KNTC1: variants seen among roughly 807,000 people sequenced by gnomAD.
KNTC1 encodes the protein kinetochore-associated protein 1.
In KNTC1, 253 loss-of-function variants were observed where a neutral mutation model predicts 314.4. That is an observed-to-expected ratio of 0.80 (90% CI 0.73 to 0.89). KNTC1 has a LOEUF of 0.89. Among genes scored for constraint, KNTC1 ranks in the 40% least tolerant of loss-of-function variants. The probability of loss-of-function intolerance (pLI) is 0.00; values close to 1 mark genes in which losing one functional copy is unlikely to be tolerated. For missense variants in KNTC1, 2,475 were observed against 2,572.9 expected (o/e 0.96, Z 0.82); for synonymous variants, 901 against 901.4 (o/e 1.00, Z 0.01).
chr12:122,529,842 G>T, intron 1 of KNTC1, 149 bp from the exon 2 acceptor site: 1 of 389,846 alleles, frequency 2.6e-6, no homozygotes. Flanking sequence ...CATAGCTCTA[G>T]TTCCATTTAT....
chr12:122,575,694 T>C lies in KNTC1; in HGVS notation c.2486+48T>C, dbSNP rs184529544. 2.7e-4 allele frequency: 405 copies of C among 1,495,918 alleles called. 2 individuals are homozygous for C. The African/African-American group carries it at 4.5e-3, about 17-fold the overall frequency. The allele number at this position is 1,495,918 out of a possible 1,614,324, so 92.7% of individuals were successfully genotyped here. The stretch of plus-strand genomic sequence containing the variant: ...AATGTTGTTATGCTCTGGAGAAACA[T>C]TGTGTTTTGAGTTGACGTTCATTTA... On this transcript the variant is annotated intron_variant, in intron 28 of 63. Transcript: ENST00000333479.
intron 24 of KNTC1, among the ~76,000 whole-genome samples, chr12:122,571,394 C>G (rs1246029571): frequency 6.6e-6 from 1 of 152,058 alleles, no homozygotes; most frequent in African/African-American, 2.4e-5. Context: ...AGGTCTCACT[C>G]TGTTGCCCCA....
intron 16 of KNTC1, 117 bp downstream of exon 16, chr12:122,551,813 GAT>G (rs1963217410): frequency 9.2e-6 from 7 of 760,254 alleles, no homozygotes; most frequent in Non-Finnish European, 1.3e-5. Context: ...CTGTAATTAA[GAT>G]ATGACTGAAG....
chr12:122,551,456 A>G lies in KNTC1; in HGVS notation c.1131-2A>G, dbSNP rs1963192807. 5 of 1,578,944 alleles carry G rather than the reference A, an allele frequency of 3.2e-6. No homozygotes were observed. The highest frequency in any genetic ancestry group is 4.3e-6 in the Non-Finnish European group (5 of 1,160,350). ...CGCATTTATAGTTAAAATTTTTTCT[A>G]GATTGTCTGAAGACTCAGTCTCTGT... On this transcript the variant is annotated splice_acceptor_variant, in intron 14 of 63. Coordinates refer to ENST00000333479, the MANE Select transcript of KNTC1 (RefSeq NM_014708.6). LOFTEE classifies it high-confidence loss of function.
chr12:122,605,256 A>G (rs1272317724), intron 50 of KNTC1, 50 bp from the exon 51 acceptor site: 2 of 1,245,040 alleles, frequency 1.6e-6, no homozygotes, highest in African/African-American at 3.0e-5. Context: ...AGTATTCAAT[A>G]TAAATATTTA....
In KNTC1 at chr12:122,571,011, A is replaced by C; in HGVS notation, c.1918-14A>C. 1 of 1,610,732 alleles carries C rather than the reference A, an allele frequency of 6.2e-7. No homozygotes were observed. The highest frequency in any genetic ancestry group is 8.5e-7 in the Non-Finnish European group (1 of 1,177,060). ...TAAAACATTGTTTTGAACTGTCTGTAATCTTTTTTAAAGGCAAATTGGCCA... is the reference window on the plus strand; with the variant it reads ...TAAAACATTGTTTTGAACTGTCTGTCATCTTTTTTAAAGGCAAATTGGCCA... On this transcript the variant is annotated splice_polypyrimidine_tract_variant and intron_variant, in intron 23 of 63. Transcript: ENST00000333479.
chr12:122,581,188 T>A (rs1965401687), intron 33 of KNTC1, among the ~76,000 whole-genome samples: 1 of 151,074 alleles, frequency 6.6e-6, no homozygotes, highest in South Asian at 2.1e-4. Flanking sequence ...TTTGTTATGT[T>A]GTGTTATTAA....
At chr12:122,530,266 T>A in intron 2 of KNTC1, 74 bp downstream of exon 2, 1 of 1,337,182 alleles carries the variant, frequency 7.5e-7, no homozygotes, top group Non-Finnish European at 1.0e-6. Flanking sequence ...TGGCCCACAG[T>A]AAATATTTTG....
intron 33 of KNTC1, among the ~76,000 whole-genome samples, chr12:122,581,633 T>C (rs1868403042): frequency 6.6e-6 from 1 of 152,052 alleles, no homozygotes; most frequent in East Asian, 1.9e-4. Flanking sequence ...TAGCTGAGAC[T>C]CCAGGCATGT....
At chr12:122,544,071 A>T in intron 7 of KNTC1, 88 bp from the exon 8 acceptor site, 1 of 554,704 alleles carries the variant, frequency 1.8e-6, no homozygotes. Flanking sequence ...AAAAAAATTT[A>T]TAACTGATTG....
chr12:122,609,915 T>C (rs181160736), intron 52 of KNTC1, among the ~76,000 whole-genome samples: 5 of 152,330 alleles, frequency 3.3e-5, no homozygotes, highest in Middle Eastern at 3.4e-3. Flanking sequence ...TCAGAACGAA[T>C]GTGGCAATCC....
chr12:122,594,253 T>A (rs1870724314), intron 42 of KNTC1, 23 bp from the exon 43 acceptor site: 1 of 1,393,700 alleles, frequency 7.2e-7, no homozygotes. Flanking sequence ...TTTTTTGCTT[T>A]GTTTTTTTCT....
Position 122,579,857 on chromosome 12 carries a change from G to A in KNTC1, c.2842-48G>A, listed in dbSNP as rs200900887. 3.6e-5 allele frequency: 47 copies of A among 1,293,748 alleles called. No homozygotes were observed. In the African/African-American group the frequency reaches 5.4e-4, roughly 15 times the overall value. The allele number at this position is 1,293,748 out of a possible 1,614,324, so 80.1% of individuals were successfully genotyped here. A position where few individuals can be genotyped will look rare whatever the true frequency, so the allele number is the denominator to read the frequency against. On this transcript the variant is annotated intron_variant, in intron 31 of 63. Transcript: ENST00000333479. Reference sequence around the variant, plus strand: ...TATTTGTATATGTACTACTGAAGTGGTCAGAAAAGGAAGTAGATTTTATTT... The same window carrying A: ...TATTTGTATATGTACTACTGAAGTGATCAGAAAAGGAAGTAGATTTTATTT...
intron 31 of KNTC1, among the ~76,000 whole-genome samples, chr12:122,578,100 A>G (rs1251142586): frequency 6.6e-6 from 1 of 152,186 alleles, no homozygotes; most frequent in Non-Finnish European, 1.5e-5. Context: ...GTTATATAGG[A>G]CATAATTATT....
Position 122,605,430 on chromosome 12 carries a change from C to A in KNTC1, c.5496+15C>A. 7.4e-7 allele frequency: 1 copy of A among 1,345,718 alleles called. No homozygotes were observed. Among genetic ancestry groups the A allele is most frequent in the Non-Finnish European group, 1.1e-6 (1 of 951,108 alleles). The allele number at this position is 1,345,718 out of a possible 1,614,324, so 83.4% of individuals were successfully genotyped here. A position where few individuals can be genotyped will look rare whatever the true frequency, so the allele number is the denominator to read the frequency against. On this transcript the variant is annotated intron_variant, in intron 51 of 63. Coordinates refer to ENST00000333479, the MANE Select transcript of KNTC1 (RefSeq NM_014708.6). The stretch of plus-strand genomic sequence containing the variant: ...AACCTGGTGAAGTAAGTACTTGCTG[C>A]CCAAGAGTATCTGTAGTTGAGTATG...
chr12:122,544,224 T>G lies in KNTC1; in HGVS notation c.624T>G (p.Ser208Arg). 1 of 1,588,884 alleles carries G rather than the reference T, an allele frequency of 6.3e-7. No homozygotes were observed. The highest frequency in any genetic ancestry group is 8.5e-7 in the Non-Finnish European group (1 of 1,171,734). The change falls in exon 8 of 64, where the codon AGT becomes AGG. Residue 208 changes from serine (S) to arginine (R), a missense_variant. Transcript: ENST00000333479. ...TENYHTLGCL[S>R]LVAGDLASEV... ...ATTATCATACTCTTGGTTGTCTCAGTCTTGTGGCTGGAGATTTAGCAAGTG... is the reference window on the plus strand; with the variant it reads ...ATTATCATACTCTTGGTTGTCTCAGGCTTGTGGCTGGAGATTTAGCAAGTG...
chr12:122,529,911 A>G, intron 1 of KNTC1, 80 bp from the exon 2 acceptor site: 2 of 693,100 alleles, frequency 2.9e-6, no homozygotes, highest in South Asian at 4.3e-5. Flanking sequence ...AGATGTCTGT[A>G]TATGTTAATG....
intron 12 of KNTC1, 41 bp from the exon 13 acceptor site, chr12:122,549,725 A>T: frequency 1.0e-6 from 1 of 1,003,736 alleles, no homozygotes; most frequent in Non-Finnish European, 1.5e-6. Context: ...TTGCATGTTT[A>T]AATTGATCTG....
At chr12:122,601,196 C>T (rs1871837365) in intron 44 of KNTC1, among the ~76,000 whole-genome samples, 1 of 152,112 alleles carries the variant, frequency 6.6e-6, no homozygotes, top group Non-Finnish European at 1.5e-5. Context: ...CATTCTCCTG[C>T]CTCAGCCTCC....
Sources: allele counts gnomAD v4.1 joint callset (sites outside exome capture counted in the v4.1 genomes callset), GRCh38; gene constraint gnomAD v4.1.1; transcripts MANE v1.5; gene names NCBI Gene and HGNC (gene_info 2026-07-23, HGNC 2026-07-21).